Variants in ASIC2 observed in about 807,000 individuals in gnomAD.
ASIC2 encodes acid-sensing ion channel 2.
In ASIC2, 25 loss-of-function variants were observed where a neutral mutation model predicts 57.3. That is an observed-to-expected ratio of 0.44 (90% confidence interval 0.32 to 0.61). The LOEUF is 0.61. ASIC2 is among the 20% of genes least tolerant of loss of function. The pLI is 0.06. For missense variants in ASIC2, 641 were observed against 738.1 expected (o/e 0.87, Z 1.52); for synonymous variants, 319 against 307.5 (o/e 1.04, Z -0.39).
intron 1 of ASIC2, among the ~76,000 whole-genome samples, chr17:33,603,859 T>C (rs1412686458): frequency 6.6e-6 from 1 of 152,052 alleles, no homozygotes; most frequent in Non-Finnish European, 1.5e-5. Flanking sequence ...GGCCCCAGGC[T>C]GATAACAAGT....
At chr17:33,324,478 T>A (rs1385078019) in intron 1 of ASIC2, among the ~76,000 whole-genome samples, 1 of 151,970 alleles carries the variant, frequency 6.6e-6, no homozygotes, top group Non-Finnish European at 1.5e-5. Flanking sequence ...CAGGATACAG[T>A]ATATGACAGA....
chr17:34,074,888 T>A (rs2142072166), intron 1 of ASIC2, among the ~76,000 whole-genome samples: 1 of 149,554 alleles, frequency 6.7e-6, no homozygotes, highest in African/African-American at 2.5e-5. Flanking sequence ...AGGGTTCAAG[T>A]GATTCTCCTG....
At chr17:34,108,422 ATAGTT>A (rs540932232) in intron 1 of ASIC2, among the ~76,000 whole-genome samples, 2 of 152,114 alleles carry the variant, frequency 1.3e-5, no homozygotes, top group African/African-American at 2.4e-5. Flanking sequence ...TTATAAATGT[ATAGTT>A]TAATTTCAAA....
At chr17:33,396,469 C>T (rs1027131510) in intron 1 of ASIC2, among the ~76,000 whole-genome samples, 12 of 152,012 alleles carry the variant, frequency 7.9e-5, no homozygotes, top group South Asian at 4.2e-4. Flanking sequence ...TTTATTTTAC[C>T]GATGTGGGAA....
chr17:33,183,885 A>G (rs561388023), intron 1 of ASIC2, among the ~76,000 whole-genome samples: 1 of 152,330 alleles, frequency 6.6e-6, no homozygotes, highest in South Asian at 2.1e-4. Flanking sequence ...CATGCCACAG[A>G]GTCCTGGCTC....
intron 1 of ASIC2, among the ~76,000 whole-genome samples, chr17:33,270,716 G>A (rs981943965): frequency 1.1e-4 from 17 of 152,144 alleles, no homozygotes; most frequent in Non-Finnish European, 5.9e-5. Flanking sequence ...TTCTAACCCT[G>A]ACAAAGGCTG....
chr17:33,955,631 C>T (rs1264820829), intron 1 of ASIC2: 2 of 152,310 alleles, frequency 1.3e-5, no homozygotes, highest in Non-Finnish European at 2.9e-5. Context: ...AGCTGGCAGG[C>T]ACCTTCTTCT....
At chr17:33,461,450 T>C (rs1317875574) in intron 1 of ASIC2, among the ~76,000 whole-genome samples, 1 of 152,116 alleles carries the variant, frequency 6.6e-6, no homozygotes, top group Non-Finnish European at 1.5e-5. Context: ...CCTTACACTT[T>C]GATATTCCCC....
chr17:33,250,506 G>A (rs1037933388), intron 1 of ASIC2, among the ~76,000 whole-genome samples: 18 of 152,318 alleles, frequency 1.2e-4, no homozygotes, highest in Admixed American at 9.1e-4. Context: ...AAGAGGCCTT[G>A]GCTGCGAGTT....
chr17:33,514,422 C>G (rs897855928), intron 1 of ASIC2, among the ~76,000 whole-genome samples: 1 of 152,082 alleles, frequency 6.6e-6, no homozygotes, highest in Admixed American at 6.6e-5. Flanking sequence ...CCTTGCCTTC[C>G]TAACTGGTAA....
chr17:33,576,417 C>T (rs192100190), intron 1 of ASIC2, among the ~76,000 whole-genome samples: 10 of 152,330 alleles, frequency 6.6e-5, no homozygotes, highest in African/African-American at 2.2e-4. Flanking sequence ...TTGCCTAGCA[C>T]ATAGCAGGCA....
At chr17:33,666,514 C>T (rs1191812838) in intron 1 of ASIC2, among the ~76,000 whole-genome samples, 4 of 152,350 alleles carry the variant, frequency 2.6e-5, no homozygotes, top group Non-Finnish European at 4.4e-5. Context: ...AGCCCTCCGC[C>T]TCCTCCTGCC....
chr17:33,799,427 CTTCTTTCTTTCTTTCTTTCTTTCTTTCT>C (rs201420934), intron 1 of ASIC2, among the ~76,000 whole-genome samples: 18 of 84,096 alleles, frequency 2.1e-4, no homozygotes, highest in Admixed American at 5.4e-4. Context: ...TTCTTTCTTT[CTTCTTTCTTTCTTTCTTTCTTTCTTTCT>C]TTCTTTCTTT....
rs114508564 is a variant in ASIC2 at position 33,091,138 on chromosome 17, G to A, written c.860-2148C>T. Among the ~76,000 whole-genome samples, 378 of 152,320 alleles carry A rather than the reference G, an allele frequency of 2.5e-3. 1 individual carries two copies. Among genetic ancestry groups the A allele is most frequent in the African/African-American group, 8.1e-3 (337 of 41,572 alleles). On this transcript the variant is annotated intron_variant, in intron 2 of 9. Transcript: ENST00000225823. ...GGCTCCATCACCTAACCCAGGGCCT[G>A]GCCCTCAGGTGGAACCTCAAGGAAG...
chr17:33,018,968 C>T (rs927000301), intron 7 of ASIC2, among the ~76,000 whole-genome samples: 13 of 152,108 alleles, frequency 8.5e-5, no homozygotes, highest in Non-Finnish European at 1.3e-4. Flanking sequence ...CCCACATGCC[C>T]GGGTGAACAA....
At chr17:33,607,018 G>C (rs965011598) in intron 1 of ASIC2, among the ~76,000 whole-genome samples, 1 of 152,162 alleles carries the variant, frequency 6.6e-6, no homozygotes, top group African/African-American at 2.4e-5. Context: ...CTGGGGGAGA[G>C]GTTGGAGGAG....
chr17:33,707,370 C>G (rs543237357), intron 1 of ASIC2, among the ~76,000 whole-genome samples: 3 of 152,046 alleles, frequency 2.0e-5, no homozygotes, highest in Non-Finnish European at 4.4e-5. Flanking sequence ...CATTTTGAAC[C>G]TTCTGACTAA....
chr17:33,243,358 T>C (rs1020844146), intron 1 of ASIC2, among the ~76,000 whole-genome samples: 3 of 152,154 alleles, frequency 2.0e-5, no homozygotes, highest in African/African-American at 7.2e-5. Flanking sequence ...TAGTAAATCG[T>C]AGGACTGCAG....
intron 1 of ASIC2, among the ~76,000 whole-genome samples, chr17:34,010,367 T>C (rs1316457493): frequency 2.0e-5 from 3 of 152,098 alleles, no homozygotes; most frequent in African/African-American, 7.2e-5. Context: ...TCTAGTGGCC[T>C]CCCCTTCTGA....
Sources: allele counts gnomAD v4.1 joint callset (sites outside exome capture counted in the v4.1 genomes callset), GRCh38; gene constraint gnomAD v4.1.1; transcripts MANE v1.5; gene names NCBI Gene and HGNC (gene_info 2026-07-23, HGNC 2026-07-21).